FOXP2: variants seen among roughly 807,000 people sequenced by gnomAD.
FOXP2 encodes the protein forkhead box P2.
In FOXP2, 12 loss-of-function variants were observed where a neutral mutation model predicts 115.8. That is an observed-to-expected ratio of 0.10 (90% CI 0.07 to 0.17). The LOEUF is 0.17. Among genes scored for constraint, FOXP2 ranks in the 10% least tolerant of loss-of-function variants. The pLI is 1.00. For synonymous variants in FOXP2, 328 were observed against 297.7 expected, an observed-to-expected ratio of 1.10 and a Z score of -1.05; for missense variants, 629 against 843.5, an observed-to-expected ratio of 0.75 and a Z score of 3.15.
Position 114,692,067 on chromosome 7 carries a change from A to G in FOXP2, c.*2141A>G, listed in dbSNP as rs1435740006. ...GTCATGATCAACGAACCGGAAGTTT[A>G]CAATATGGTATTAAAAGAAAGATGG... On this transcript the variant is annotated 3_prime_UTR_variant, in exon 17 of 17. Transcript: ENST00000350908. 2.2e-6 allele frequency: 1 copy of G among 454,086 alleles called. No homozygotes were observed. Among genetic ancestry groups the G allele is most frequent in the Admixed American group, 2.4e-5 (1 of 42,540 alleles). 28.1% of individuals were successfully genotyped at this position (454,086 alleles called of 1,614,324 possible). A position where few individuals can be genotyped will look rare whatever the true frequency, so the allele number is the denominator to read the frequency against.
chr7:114,642,709 T>C (rs1033324446), intron 7 of FOXP2, 86 bp downstream of exon 7: 7 of 1,202,428 alleles, frequency 5.8e-6, no homozygotes, highest in Admixed American at 3.5e-5. Context: ...CAATTTGTAC[T>C]TGGAGCAAGG....
chr7:114,159,605 C>A (rs1792774912), upstream of FOXP2, among the ~76,000 whole-genome samples: 1 of 152,018 alleles, frequency 6.6e-6, no homozygotes, highest in African/African-American at 2.4e-5. Context: ...AACTGGGACA[C>A]TTCTGAGAGG....
chr7:114,208,359 T>C (rs1309341653), intron 1 of FOXP2, among the ~76,000 whole-genome samples: 1 of 152,160 alleles, frequency 6.6e-6, no homozygotes, highest in African/African-American at 2.4e-5. Flanking sequence ...ACAGCTGTAT[T>C]TACCCAATGC....
intron 7 of FOXP2, among the ~76,000 whole-genome samples, 189 bp downstream of exon 7, chr7:114,642,812 A>ATATATTTTTTTTT (rs1308357594): frequency 4.1e-5 from 3 of 72,434 alleles, no homozygotes; most frequent in East Asian, 3.1e-4. Flanking sequence ...ATATATATAT[A>ATATATTTTTTTTT]TTTTTTTTTT....
At chr7:114,211,694 G>A (rs1293481514) in intron 1 of FOXP2, among the ~76,000 whole-genome samples, 1 of 152,190 alleles carries the variant, frequency 6.6e-6, no homozygotes, top group Non-Finnish European at 1.5e-5. Context: ...TAGGGAAAAT[G>A]TTTATACTGT....
At chr7:114,321,601 C>T (rs1248707254) in intron 2 of FOXP2, among the ~76,000 whole-genome samples, 1 of 152,082 alleles carries the variant, frequency 6.6e-6, no homozygotes, top group Non-Finnish European at 1.5e-5. Flanking sequence ...CTCATAATCC[C>T]AAGGCATTAT....
chr7:114,459,656 C>T (rs1403622078), intron 2 of FOXP2, among the ~76,000 whole-genome samples: 2 of 152,190 alleles, frequency 1.3e-5, no homozygotes, highest in Non-Finnish European at 2.9e-5. Flanking sequence ...CACTCAGCCG[C>T]CCAGGCTGGA....
intron 1 of FOXP2, among the ~76,000 whole-genome samples, chr7:114,260,165 A>G (rs571830214): frequency 3.3e-5 from 5 of 151,034 alleles, no homozygotes; most frequent in African/African-American, 1.2e-4. Context: ...TGCTGGGATA[A>G]CAGATGTGAG....
At chr7:114,285,905 A>G (rs932580209) in intron 1 of FOXP2, among the ~76,000 whole-genome samples, 1 of 151,976 alleles carries the variant, frequency 6.6e-6, no homozygotes, top group African/African-American at 2.4e-5. Flanking sequence ...GAAATTATCT[A>G]TGGTATCCTT....
intron 3 of FOXP2, among the ~76,000 whole-genome samples, chr7:114,579,170 T>C (rs1233395206): frequency 6.6e-6 from 1 of 152,152 alleles, no homozygotes; most frequent in African/African-American, 2.4e-5. Context: ...GGTTAGTGGA[T>C]CTGTTGTGCC....
intron 8 of FOXP2, among the ~76,000 whole-genome samples, chr7:114,649,301 A>G (rs757895803): frequency 2.6e-5 from 4 of 152,138 alleles, no homozygotes; most frequent in Non-Finnish European, 5.9e-5. Context: ...TATCAAATGC[A>G]TAAGATAGTA....
intron 6 of FOXP2, among the ~76,000 whole-genome samples, chr7:114,640,592 C>T (rs1805468333): frequency 6.6e-6 from 1 of 152,052 alleles, no homozygotes; most frequent in African/African-American, 2.4e-5. Context: ...GGGATTTTTC[C>T]ATTTGCAGGG....
chr7:114,164,104 G>A (rs1200668961), intron 1 of FOXP2, among the ~76,000 whole-genome samples: 2 of 152,104 alleles, frequency 1.3e-5, no homozygotes, highest in Admixed American at 6.6e-5. Flanking sequence ...GGCCCACGGT[G>A]AAAAATCTAC....
In FOXP2 at chr7:114,228,286, C is replaced by G. The variant is rs371070197; in HGVS notation, c.-101-59733C>G. 2.0e-5 allele frequency among the ~76,000 whole-genome samples: 3 copies of G among 151,936 alleles called. No individual in the cohort carries two copies. In the East Asian group the frequency reaches 5.8e-4, roughly 29 times the overall value. Reference sequence around the variant, plus strand: ...TTTGTGTTTTTACTTTGTTTCAACTCTAGTAGTAAAGAACAGAAAAAGCTT... The same window carrying G: ...TTTGTGTTTTTACTTTGTTTCAACTGTAGTAGTAAAGAACAGAAAAAGCTT... On this transcript the variant is annotated intron_variant, in intron 1 of 17. Transcript: ENST00000634411.
At chr7:114,648,366 A>G (rs1476185967) in intron 8 of FOXP2, among the ~76,000 whole-genome samples, 1 of 152,104 alleles carries the variant, frequency 6.6e-6, no homozygotes, top group East Asian at 1.9e-4. Context: ...GTTTAAACAT[A>G]AAAAGCTTGA....
intron 1 of FOXP2, among the ~76,000 whole-genome samples, chr7:114,174,548 C>A (rs951384780): frequency 2.0e-5 from 3 of 151,878 alleles, no homozygotes. Flanking sequence ...ACATGTAATT[C>A]ACAGAATAAT....
intron 16 of FOXP2, among the ~76,000 whole-genome samples, chr7:114,685,943 T>A (rs1014804180): frequency 1.3e-5 from 2 of 150,166 alleles, no homozygotes; most frequent in African/African-American, 2.4e-5. Context: ...ATAAGGATGA[T>A]CCAGGAATAT....
intron 2 of FOXP2, among the ~76,000 whole-genome samples, chr7:114,318,208 G>A (rs1488966857): frequency 1.3e-5 from 2 of 152,040 alleles, no homozygotes; most frequent in African/African-American, 2.4e-5. Flanking sequence ...TGATGCAGAG[G>A]CTTTAGTTAG....
chr7:114,282,458 T>C (rs993313764), intron 1 of FOXP2, among the ~76,000 whole-genome samples: 4 of 152,176 alleles, frequency 2.6e-5, no homozygotes, highest in Non-Finnish European at 5.9e-5. Flanking sequence ...TGAACAATCA[T>C]TGAATTAAAT....
Sources: gnomAD v4.1 joint callset for allele counts (sites outside exome capture counted in the v4.1 genomes callset) on GRCh38, gnomAD v4.1.1 for gene constraint, MANE v1.5 for transcripts, NCBI Gene and HGNC (gene_info 2026-07-23, HGNC 2026-07-21) for gene names.